GULP1: variants seen among roughly 807,000 people sequenced by gnomAD.
The protein encoded by GULP1 is GULP PTB domain containing engulfment adaptor 1.
A neutral mutation model predicts 40.9 loss-of-function variants in GULP1; 19 were observed. That is an observed-to-expected ratio of 0.46 (90% CI 0.32 to 0.68). The LOEUF is 0.68. Ranked by LOEUF, GULP1 falls within the 30% of genes least tolerant of loss-of-function variation. The pLI, the probability that GULP1 is intolerant of heterozygous loss-of-function variation, is 0.03. For missense variants in GULP1, 312 were observed against 362.2 expected (o/e 0.86, Z 1.12); for synonymous variants, 119 against 117.6 (o/e 1.01, Z -0.08).
In GULP1 at chr2:188,315,469, T is replaced by G. The variant is rs143233968; in HGVS notation, c.-172+23303T>G. ...CTGTATAGTGATATTTTTCTGTCTGTATTGTGGCCTATCAGAGTCTGTTTC... is the reference window on the plus strand; with the variant it reads ...CTGTATAGTGATATTTTTCTGTCTGGATTGTGGCCTATCAGAGTCTGTTTC... On this transcript the variant is annotated intron_variant, in intron 1 of 11. Transcript: ENST00000409830. Among the ~76,000 whole-genome samples the G allele has an allele frequency of 5.2e-3, 797 of 152,324 alleles. 2 individuals are homozygous for G. The highest frequency in any genetic ancestry group is 0.024 in the Middle Eastern group (7 of 294).
At chr2:188,304,283 A>G (rs1306554617) in intron 1 of GULP1, among the ~76,000 whole-genome samples, 1 of 152,170 alleles carries the variant, frequency 6.6e-6, no homozygotes, top group African/African-American at 2.4e-5. Context: ...TAAGATCTTC[A>G]TAAGATTCAT....
chr2:188,486,508 G>A (rs935229560), intron 4 of GULP1, among the ~76,000 whole-genome samples: 3 of 151,830 alleles, frequency 2.0e-5, no homozygotes, highest in African/African-American at 7.2e-5. Context: ...TATTCTCCCT[G>A]GAGAAATATG....
intron 4 of GULP1, among the ~76,000 whole-genome samples, chr2:188,493,325 C>T (rs1428848346): frequency 6.6e-6 from 1 of 151,994 alleles, no homozygotes; most frequent in Non-Finnish European, 1.5e-5. Flanking sequence ...ATCCCAATTT[C>T]CCTCCTTGAA....
intron 1 of GULP1, among the ~76,000 whole-genome samples, chr2:188,365,905 A>G (rs2046718813): frequency 6.6e-6 from 1 of 152,226 alleles, no homozygotes; most frequent in African/African-American, 2.4e-5. Flanking sequence ...AAGGGATGCC[A>G]TCTGGGCAGA....
chr2:188,336,065 T>A (rs2042212983), intron 1 of GULP1, among the ~76,000 whole-genome samples: 1 of 152,218 alleles, frequency 6.6e-6, no homozygotes, highest in Non-Finnish European at 1.5e-5. Context: ...GCTCTTTACA[T>A]ATATGATTAT....
chr2:188,408,192 T>C (rs1164243218), intron 2 of GULP1, among the ~76,000 whole-genome samples: 3 of 152,182 alleles, frequency 2.0e-5, no homozygotes, highest in African/African-American at 7.2e-5. Context: ...TCTTGCCATG[T>C]GATGCCTCCC....
intron 1 of GULP1, among the ~76,000 whole-genome samples, chr2:188,302,202 T>C (rs1156497410): frequency 1.3e-5 from 2 of 152,296 alleles, no homozygotes; most frequent in East Asian, 3.9e-4. Flanking sequence ...TGCATTAAGT[T>C]TTTAATACAG....
chr2:188,561,687 A>T (rs1191980743), intron 7 of GULP1, among the ~76,000 whole-genome samples: 1 of 152,146 alleles, frequency 6.6e-6, no homozygotes, highest in Non-Finnish European at 1.5e-5. Context: ...GGCAGAATGC[A>T]TGAGTGAGGG....
At chr2:188,299,995 G>C (rs1295623134) in intron 1 of GULP1, among the ~76,000 whole-genome samples, 1 of 152,170 alleles carries the variant, frequency 6.6e-6, no homozygotes, top group Non-Finnish European at 1.5e-5. Context: ...CTAACCATTA[G>C]TAATTACATA....
At chr2:188,540,655 A>G (rs1372885300) in intron 6 of GULP1, among the ~76,000 whole-genome samples, 1 of 152,144 alleles carries the variant, frequency 6.6e-6, no homozygotes, top group Non-Finnish European at 1.5e-5. Flanking sequence ...ATGAAATTAT[A>G]TAAAATAAAA....
At chr2:188,565,665 G>T (rs1325019845) in intron 7 of GULP1, among the ~76,000 whole-genome samples, 2 of 151,986 alleles carry the variant, frequency 1.3e-5, no homozygotes, top group Non-Finnish European at 2.9e-5. Context: ...TGATTTAACA[G>T]TTACATTCTA....
chr2:188,575,482 T>C (rs1022581007), intron 9 of GULP1, among the ~76,000 whole-genome samples: 4 of 152,164 alleles, frequency 2.6e-5, no homozygotes, highest in Non-Finnish European at 5.9e-5. Flanking sequence ...TTATATATGC[T>C]ATGAATAAAA....
chr2:188,567,572 A>C (rs2153427069), intron 7 of GULP1, among the ~76,000 whole-genome samples: 1 of 152,242 alleles, frequency 6.6e-6, no homozygotes, highest in Non-Finnish European at 1.5e-5. Context: ...CTCACCCAGA[A>C]GTGGGAGTTG....
At chr2:188,522,506 A>C (rs925198016) in intron 4 of GULP1, among the ~76,000 whole-genome samples, 19 of 151,620 alleles carry the variant, frequency 1.3e-4, no homozygotes, top group African/African-American at 4.6e-4. Context: ...TCCAGTAAAA[A>C]TCTACAAGTA....
chr2:188,411,893 C>T (rs1402024982), intron 2 of GULP1, among the ~76,000 whole-genome samples: 1 of 152,202 alleles, frequency 6.6e-6, no homozygotes, highest in African/African-American at 2.4e-5. Context: ...AGTGCTGCAG[C>T]TGTCCATTTT....
chr2:188,529,037 T>G (rs1686888084), intron 5 of GULP1, 60 bp from the exon 6 acceptor site: 1 of 817,400 alleles, frequency 1.2e-6, no homozygotes, highest in African/African-American at 1.8e-5. Context: ...TGTATATTTA[T>G]TTTTGTTCAT....
At chr2:188,432,141 A>G (rs955781640) in intron 2 of GULP1, among the ~76,000 whole-genome samples, 2 of 151,700 alleles carry the variant, frequency 1.3e-5, no homozygotes, top group Non-Finnish European at 3.0e-5. Context: ...GATAAGAACC[A>G]TTTTATAAAT....
intron 1 of GULP1, among the ~76,000 whole-genome samples, chr2:188,325,049 A>G (rs143249563): frequency 1.5e-3 from 223 of 151,964 alleles, no homozygotes; most frequent in African/African-American, 5.1e-3. Flanking sequence ...ACCCACACAA[A>G]AGAAGTGTAG....
chr2:188,302,725 C>A (rs902723675), intron 1 of GULP1, among the ~76,000 whole-genome samples: 4 of 152,144 alleles, frequency 2.6e-5, no homozygotes, highest in Non-Finnish European at 5.9e-5. Flanking sequence ...CTTCTGTGTT[C>A]TGATCTGCAT....
Sources: allele counts gnomAD v4.1 joint callset (sites outside exome capture counted in the v4.1 genomes callset), GRCh38; gene constraint gnomAD v4.1.1; transcripts MANE v1.5; gene names NCBI Gene and HGNC (gene_info 2026-07-23, HGNC 2026-07-21).